Variants in RALYL observed in about 807,000 individuals in gnomAD.
RALYL encodes the protein RNA-binding Raly-like protein.
A neutral mutation model predicts 35.1 loss-of-function variants in RALYL; 29 were observed. That is an observed-to-expected ratio of 0.83 (90% confidence interval 0.61 to 1.13). The LOEUF is 1.13. Ranked by LOEUF, RALYL falls within the 50% of genes most tolerant of loss-of-function variation. The pLI, the probability that RALYL is intolerant of heterozygous loss-of-function variation, is 0.00. For missense variants in RALYL, 359 were observed against 360.4 expected (o/e 1.00, Z 0.03); for synonymous variants, 120 against 127.6 (o/e 0.94, Z 0.40).
chr8:84,731,987 A>T (rs1195538080), intron 2 of RALYL, among the ~76,000 whole-genome samples: 1 of 151,610 alleles, frequency 6.6e-6, no homozygotes, highest in Non-Finnish European at 1.5e-5. Flanking sequence ...TTCCCCCTTT[A>T]TTTGTTTAAT....
intron 6 of RALYL, among the ~76,000 whole-genome samples, chr8:84,863,315 A>G (rs1435162060): frequency 6.6e-6 from 1 of 152,190 alleles, no homozygotes. Context: ...TTCTGTGGAG[A>G]GAAAATGGTC....
At chr8:84,719,513 G>A (rs1314962274) in intron 2 of RALYL, among the ~76,000 whole-genome samples, 1 of 152,076 alleles carries the variant, frequency 6.6e-6, no homozygotes, top group African/African-American at 2.4e-5. Context: ...ATACTTATAT[G>A]CTGGGCAATT....
intron 1 of RALYL, among the ~76,000 whole-genome samples, chr8:84,459,457 G>A (rs948847545): frequency 3.3e-5 from 5 of 151,790 alleles, no homozygotes; most frequent in Admixed American, 1.3e-4. Flanking sequence ...AAAATGGGGA[G>A]GCAACTGGGT....
chr8:84,641,306 C>T (rs1490461699), intron 2 of RALYL, among the ~76,000 whole-genome samples: 1 of 151,456 alleles, frequency 6.6e-6, no homozygotes, highest in Admixed American at 6.6e-5. Flanking sequence ...TATATATTAA[C>T]TAGAATTATT....
chr8:84,449,708 A>C (rs1424676256), intron 1 of RALYL, among the ~76,000 whole-genome samples: 1 of 151,970 alleles, frequency 6.6e-6, no homozygotes, highest in Non-Finnish European at 1.5e-5. Flanking sequence ...GACTGAATTA[A>C]ATTTTTATAT....
intron 8 of RALYL, among the ~76,000 whole-genome samples, chr8:84,891,347 T>C (rs1843808427): frequency 1.3e-5 from 2 of 152,218 alleles, no homozygotes; most frequent in Non-Finnish European, 2.9e-5. Context: ...TGAGTCTCTC[T>C]TGACTTTCTT....
intron 2 of RALYL, among the ~76,000 whole-genome samples, chr8:84,765,830 C>G (rs989486409): frequency 1.1e-4 from 16 of 139,520 alleles, no homozygotes; most frequent in African/African-American, 4.2e-4. Context: ...CTATTTAAAC[C>G]TGATGAGGAA....
chr8:84,903,982 A>G (rs1197674607), intron 8 of RALYL, among the ~76,000 whole-genome samples: 1 of 152,230 alleles, frequency 6.6e-6, no homozygotes, highest in Non-Finnish European at 1.5e-5. Context: ...AGGGCTGAGT[A>G]AAAGGAAGTG....
intron 1 of RALYL, among the ~76,000 whole-genome samples, chr8:84,369,232 C>T (rs1855179821): frequency 6.6e-6 from 1 of 152,068 alleles, no homozygotes; most frequent in Non-Finnish European, 1.5e-5. Flanking sequence ...TCACACTGTC[C>T]TCTTGAAATC....
intron 1 of RALYL, among the ~76,000 whole-genome samples, chr8:84,278,587 G>T (rs142997215): frequency 3.3e-5 from 5 of 152,238 alleles, no homozygotes; most frequent in East Asian, 1.9e-4. Context: ...TCTCTTGAAG[G>T]CTTTGCCATG....
intron 2 of RALYL, among the ~76,000 whole-genome samples, chr8:84,755,873 TA>T (rs200896745): frequency 0.29 from 41,385 of 145,012 alleles, 6,035 homozygotes; most frequent in African/African-American, 0.38. Context: ...TGGCATATTG[TA>T]AAAAAAAAAA....
intron 1 of RALYL, among the ~76,000 whole-genome samples, chr8:84,401,553 G>A (rs957232002): frequency 4.8e-5 from 7 of 146,360 alleles, no homozygotes; most frequent in Non-Finnish European, 1.0e-4. Flanking sequence ...CAGGAGAATG[G>A]CATGAACCCG....
chr8:84,379,422 T>G (rs1265811966), intron 1 of RALYL, among the ~76,000 whole-genome samples: 1 of 151,914 alleles, frequency 6.6e-6, no homozygotes, highest in Non-Finnish European at 1.5e-5. Flanking sequence ...TCCAAGTGTT[T>G]GTGAGTAAAA....
intron 1 of RALYL, among the ~76,000 whole-genome samples, chr8:84,322,931 A>G (rs1845132650): frequency 6.6e-6 from 1 of 152,144 alleles, no homozygotes; most frequent in Admixed American, 6.5e-5. Context: ...TGAAAAGACT[A>G]TTGGTGACTT....
At chr8:84,271,710 A>G (rs1834343892) in intron 1 of RALYL, among the ~76,000 whole-genome samples, 1 of 152,022 alleles carries the variant, frequency 6.6e-6, no homozygotes, top group Non-Finnish European at 1.5e-5. Flanking sequence ...TCTCAAAAGT[A>G]TTATGCCAAA....
chr8:84,378,779 C>A (rs1182224650), intron 1 of RALYL, among the ~76,000 whole-genome samples: 2 of 151,684 alleles, frequency 1.3e-5, no homozygotes, highest in Admixed American at 1.3e-4. Context: ...TTGAATAAAG[C>A]CCCTCTTTTC....
At chr8:84,822,097 G>A (rs1399502785) in intron 4 of RALYL, among the ~76,000 whole-genome samples, 1 of 152,148 alleles carries the variant, frequency 6.6e-6, no homozygotes, top group African/African-American at 2.4e-5. Flanking sequence ...AACACTTGTT[G>A]AGACATTTCT....
chr8:84,890,526 T>C (rs1419449897), intron 8 of RALYL, among the ~76,000 whole-genome samples: 1 of 152,170 alleles, frequency 6.6e-6, no homozygotes, highest in African/African-American at 2.4e-5. Flanking sequence ...TTTGCAAACT[T>C]TAAGATGTAT....
chr8:84,241,003 GTA>G (rs562055542), intron 1 of RALYL, among the ~76,000 whole-genome samples: 4 of 151,966 alleles, frequency 2.6e-5, no homozygotes, highest in African/African-American at 9.6e-5. Flanking sequence ...TTAGCTGTGT[GTA>G]TTAAAATAAT....
Sources: allele counts gnomAD v4.1 joint callset (sites outside exome capture counted in the v4.1 genomes callset), GRCh38; gene constraint gnomAD v4.1.1; transcripts MANE v1.5; gene names NCBI Gene and HGNC (gene_info 2026-07-23, HGNC 2026-07-21).